Variants in ARID4A observed in about 807,000 individuals in gnomAD.
ARID4A encodes the protein AT-rich interaction domain 4A.
A neutral mutation model predicts 148.6 loss-of-function variants in ARID4A; 39 were observed. That is an observed-to-expected ratio of 0.26 (90% confidence interval 0.20 to 0.34). The LOEUF is 0.34. Among genes scored for constraint, ARID4A ranks in the 10% least tolerant of loss-of-function variants. ARID4A has a pLI of 1.00. For missense variants in ARID4A, 1,265 were observed against 1,449.1 expected (o/e 0.87, Z 2.06); for synonymous variants, 475 against 481.2 (o/e 0.99, Z 0.17).
chr14:58,351,511 C>T (rs543138669), intron 16 of ARID4A, 188 bp downstream of exon 16: 12 of 714,874 alleles, frequency 1.7e-5, no homozygotes, highest in South Asian at 1.1e-4. Flanking sequence ...ATATACTGGT[C>T]GCACCATTTT....
At chr14:58,347,612 T>A in intron 14 of ARID4A, 35 bp from the exon 15 acceptor site, 1 of 1,456,218 alleles carries the variant, frequency 6.9e-7, no homozygotes, top group Non-Finnish European at 9.3e-7. Flanking sequence ...ATGCAAAGAC[T>A]GTAAGATTTC....
At chr14:58,314,163 A>G (rs547305873) in intron 5 of ARID4A, among the ~76,000 whole-genome samples, 16 of 152,240 alleles carry the variant, frequency 1.1e-4, no homozygotes, top group Non-Finnish European at 1.9e-4. Flanking sequence ...TCATAGAATT[A>G]TTAAATCCTT....
rs558678857 is a variant in ARID4A at position 58,338,582 on chromosome 14, G to T, written c.907-6113G>T. Among the ~76,000 whole-genome samples the T allele has an allele frequency of 7.3e-4, 111 of 152,164 alleles. No homozygotes were observed. In the South Asian group the frequency reaches 0.023, roughly 32 times the overall value. ...GGAGGTGGTAGGGATGAAGGAGAGGGGATGGAGGGGTTGTAAGAGCTGAGG... is the reference window on the plus strand; with the variant it reads ...GGAGGTGGTAGGGATGAAGGAGAGGTGATGGAGGGGTTGTAAGAGCTGAGG... On this transcript the variant is annotated intron_variant, in intron 11 of 23. Coordinates refer to ENST00000355431, the MANE Select transcript of ARID4A (RefSeq NM_002892.4).
At chr14:58,319,521 CTTTTTTTTTTTTTTTTTTTTT>C (rs71107934) in intron 7 of ARID4A, among the ~76,000 whole-genome samples, 61 of 62,094 alleles carry the variant, frequency 9.8e-4, no homozygotes, top group African/African-American at 3.8e-3. Flanking sequence ...TCTATATACT[CTTTTTTTTTTTTTTTTTTTTT>C]TTTTTTTTTT....
chr14:58,357,678 A>G (rs1566717714), intron 17 of ARID4A, among the ~76,000 whole-genome samples: 2 of 151,030 alleles, frequency 1.3e-5, no homozygotes. Context: ...GCCCAAGACA[A>G]TTCTTCTTCC....
chr14:58,338,564 G>A (rs771672264), intron 11 of ARID4A, among the ~76,000 whole-genome samples: 6 of 152,088 alleles, frequency 3.9e-5, no homozygotes, highest in Non-Finnish European at 7.4e-5. Context: ...TTTGGAGGTG[G>A]TAGGGATGAA....
chr14:58,336,186 A>G (rs1032426426), intron 11 of ARID4A, among the ~76,000 whole-genome samples: 4 of 152,234 alleles, frequency 2.6e-5, no homozygotes, highest in African/African-American at 9.6e-5. Flanking sequence ...TATTTAATGT[A>G]ATATTTACTC....
In ARID4A at chr14:58,366,005, T is replaced by C. The variant is rs1291270730; in HGVS notation, c.3317-19T>C. ...GAATTTTATTTATAATCTGAGTCAA[T>C]CTTTTTTATTATTTATAGGACAAAG... On this transcript the variant is annotated intron_variant, in intron 21 of 23. Transcript: ENST00000355431. 2 of 1,558,640 alleles carry C rather than the reference T, an allele frequency of 1.3e-6. No individual in the cohort carries two copies. Among genetic ancestry groups the C allele is most frequent in the African/African-American group, 1.4e-5 (1 of 72,630 alleles).
chr14:58,348,142 A>G (rs577848084), intron 15 of ARID4A, among the ~76,000 whole-genome samples: 87 of 152,248 alleles, frequency 5.7e-4, no homozygotes, highest in Non-Finnish European at 8.7e-4. Context: ...GTCTTCTGCT[A>G]AAGTATCACC....
At chr14:58,347,229 A>G (rs1340422257) in intron 14 of ARID4A, 112 bp downstream of exon 14, 6 of 571,210 alleles carry the variant, frequency 1.1e-5, no homozygotes, top group Non-Finnish European at 1.7e-5. Context: ...GAGAAAGTAT[A>G]TAAAAAGGTT....
At chr14:58,367,164 T>C in intron 23 of ARID4A, 135 bp downstream of exon 23, 1 of 684,400 alleles carries the variant, frequency 1.5e-6, no homozygotes, top group Non-Finnish European at 2.1e-6. Flanking sequence ...TGTTTTCTAT[T>C]GTTGAAATGA....
At chr14:58,344,219 A>G (rs186772967) in intron 11 of ARID4A, among the ~76,000 whole-genome samples, 54 of 152,322 alleles carry the variant, frequency 3.5e-4, no homozygotes, top group Non-Finnish European at 6.6e-4. Flanking sequence ...ATCCTTTGCC[A>G]CTGTGACTTT....
chr14:58,322,044 C>T (rs1266959269), intron 7 of ARID4A, among the ~76,000 whole-genome samples: 1 of 151,752 alleles, frequency 6.6e-6, no homozygotes, highest in African/African-American at 2.4e-5. Flanking sequence ...GATCTTGGCT[C>T]ACTGCAACCT....
At chr14:58,331,873 A>C (rs568340126) in intron 11 of ARID4A, among the ~76,000 whole-genome samples, 1 of 127,450 alleles carries the variant, frequency 7.8e-6, no homozygotes, top group East Asian at 2.1e-4. Flanking sequence ...CAAATCTGTG[A>C]TTTAGCTTTT....
intron 8 of ARID4A, among the ~76,000 whole-genome samples, chr14:58,327,507 ATT>A (rs796761376): frequency 2.7e-5 from 4 of 146,830 alleles, no homozygotes; most frequent in African/African-American, 7.5e-5. Context: ...GGTAACATAG[ATT>A]TTTTTTTTTT....
At chr14:58,368,871 T>G (rs894836038) in intron 23 of ARID4A, among the ~76,000 whole-genome samples, 1 of 152,242 alleles carries the variant, frequency 6.6e-6, no homozygotes, top group Non-Finnish European at 1.5e-5. Flanking sequence ...TTTCCACTTG[T>G]GGCACCACGT....
Position 58,364,713 on chromosome 14 carries a change from T to G in ARID4A, c.2624T>G (p.Met875Arg). ...PEKKIRIENG[M>R]EMTNTVSQER... is the part of the protein sequence containing the mutation. ...AAAAAAATAAGAATTGAGAATGGAA[T>G]GGAAATGACAAATACTGTATCTCAA... Residue 875 changes from methionine (M) to arginine (R), a missense_variant, in exon 20 of 24, where the codon ATG (methionine) becomes AGG (arginine). By Grantham distance (91) the Met-to-Arg change is moderately conservative. Coordinates refer to ENST00000355431, the MANE Select transcript of ARID4A (RefSeq NM_002892.4). The G allele has an allele frequency of 6.2e-7, 1 of 1,613,794 alleles. No individual in the cohort carries two copies. The highest frequency in any genetic ancestry group is 1.1e-5 in the South Asian group (1 of 91,024).
At chr14:58,310,186 A>T (rs1317189054) in intron 5 of ARID4A, among the ~76,000 whole-genome samples, 1 of 151,424 alleles carries the variant, frequency 6.6e-6, no homozygotes, top group Non-Finnish European at 1.5e-5. Context: ...TTGAGTGTTA[A>T]TTTCTTAAAT....
intron 12 of ARID4A, among the ~76,000 whole-genome samples, chr14:58,345,355 A>G (rs2034308400): frequency 6.6e-6 from 1 of 152,252 alleles, no homozygotes; most frequent in Non-Finnish European, 1.5e-5. Context: ...AGAAATAGAA[A>G]GTGACCAGTT....
Sources: allele counts gnomAD v4.1 joint callset (sites outside exome capture counted in the v4.1 genomes callset), GRCh38; gene constraint gnomAD v4.1.1; transcripts MANE v1.5; gene names NCBI Gene and HGNC (gene_info 2026-07-23, HGNC 2026-07-21).